The following CPEB1 variants were observed in gnomAD, a reference collection of about 807,000 sequenced individuals.
CPEB1 encodes the protein cytoplasmic polyadenylation element binding protein 1, also known as cytoplasmic polyadenylation element-binding protein 1.
Under a neutral mutation model 65.8 loss-of-function variants are expected in CPEB1, and 7 were observed. The ratio of observed to expected loss-of-function variants is 0.11; its 90% CI spans 0.06 to 0.20. CPEB1 has a LOEUF of 0.20. CPEB1 is among the 10% of genes least tolerant of loss of function. The pLI, the probability that CPEB1 is intolerant of heterozygous loss-of-function variation, is 1.00. For synonymous variants in CPEB1, 262 were observed against 260.0 expected, an observed-to-expected ratio of 1.01 and a Z score of -0.08; for missense variants, 551 against 712.2, an observed-to-expected ratio of 0.77 and a Z score of 2.58.
chr15:82,617,461 C>A (rs2044832094), intron 3 of CPEB1, among the ~76,000 whole-genome samples: 1 of 152,158 alleles, frequency 6.6e-6, no homozygotes, highest in African/African-American at 2.4e-5. Flanking sequence ...GTCTGAGAAA[C>A]TGCCACAGTC....
intron 3 of CPEB1, among the ~76,000 whole-genome samples, 176 bp downstream of exon 3, chr15:82,627,017 G>C (rs1411114889): frequency 1.3e-5 from 2 of 152,064 alleles, no homozygotes; most frequent in African/African-American, 4.8e-5. Context: ...CCTAATCAAA[G>C]GCAGTCTTCA....
In CPEB1 at chr15:82,571,346, G is replaced by A. The variant is rs376051599; in HGVS notation, c.458C>T (p.Ser153Leu). 49 of 1,610,752 alleles carry A rather than the reference G, an allele frequency of 3.0e-5. No individual in the cohort carries two copies. Among genetic ancestry groups the A allele is most frequent in the Non-Finnish European group, 3.6e-5 (43 of 1,178,612 alleles). ...SDSSAQSSTH[S>L]VLSMLHNPLG... ...CCAACTCATTCTCTGGCACTCACCCGAGTGTGTGCTGCTCTGGGCTGAGGA... is the reference window on the plus strand; with the variant it reads ...CCAACTCATTCTCTGGCACTCACCCAAGTGTGTGCTGCTCTGGGCTGAGGA... The change falls in exon 4 of 13, where the codon TCG (serine) becomes TTG (leucine). Residue 153 changes from serine (S) to leucine (L), a missense_variant and splice_region_variant. Ser to Leu is a moderately radical substitution (Grantham distance 145, BLOSUM62 -2). This residue lies in a region of CPEB1 where 223 missense variants were observed against 228.6 expected (regional missense o/e 0.98). Coordinates refer to ENST00000684509, the MANE Select transcript of CPEB1 (RefSeq NM_001365242.1).
At chr15:82,573,026 G>A in intron 3 of CPEB1, 1 of 1,533,584 alleles carries the variant, frequency 6.5e-7, no homozygotes, top group Non-Finnish European at 8.7e-7. Flanking sequence ...GGACTCAGCT[G>A]GTAGCACTCC....
chr15:82,547,108 T>C (rs2035364986), intron 11 of CPEB1, 35 bp downstream of exon 11: 6 of 1,441,800 alleles, frequency 4.2e-6, no homozygotes, highest in Non-Finnish European at 5.9e-6. Flanking sequence ...CCCTCTCATA[T>C]ACCCCAGAGT....
intron 3 of CPEB1, among the ~76,000 whole-genome samples, chr15:82,600,228 T>C (rs12907604): frequency 0.015 from 2,236 of 152,198 alleles, 29 homozygotes; most frequent in East Asian, 0.024. Flanking sequence ...TTGAAAACCA[T>C]TGAAGCCTGA....
chr15:82,582,291 A>C (rs2041352585), intron 3 of CPEB1, among the ~76,000 whole-genome samples: 1 of 152,228 alleles, frequency 6.6e-6, no homozygotes, highest in African/African-American at 2.4e-5. Context: ...GTTCTGCGTA[A>C]TTCAGGCCCT....
At chr15:82,573,110 G>A (rs1275398008) in intron 3 of CPEB1, 1 of 1,535,604 alleles carries the variant, frequency 6.5e-7, no homozygotes, top group Non-Finnish European at 8.7e-7. Flanking sequence ...ACCTCCCATG[G>A]CAGGGTCGAG....
intron 3 of CPEB1, among the ~76,000 whole-genome samples, chr15:82,621,976 T>C (rs1203668875): frequency 6.6e-6 from 1 of 152,196 alleles, no homozygotes; most frequent in Non-Finnish European, 1.5e-5. Context: ...ATATTAAGTC[T>C]CCCTACCCAT....
At chr15:82,588,774 T>C (rs1284802240) in intron 3 of CPEB1, among the ~76,000 whole-genome samples, 1 of 152,204 alleles carries the variant, frequency 6.6e-6, no homozygotes, top group Non-Finnish European at 1.5e-5. Context: ...CCCAACGATA[T>C]GAGAACTATT....
chr15:82,642,494 G>A (rs587759529), intron 1 of CPEB1, among the ~76,000 whole-genome samples: 1 of 152,314 alleles, frequency 6.6e-6, no homozygotes, highest in Non-Finnish European at 1.5e-5. Flanking sequence ...GCTGCAGTAA[G>A]CTGTGATTGC....
chr15:82,606,186 A>AG (rs768813254), intron 3 of CPEB1, among the ~76,000 whole-genome samples: 4 of 151,576 alleles, frequency 2.6e-5, no homozygotes, highest in Non-Finnish European at 5.9e-5. Flanking sequence ...TGCTAGTTCC[A>AG]GCTGGGCATG....
At chr15:82,575,824 C>T (rs969793023) in intron 3 of CPEB1, among the ~76,000 whole-genome samples, 4 of 151,904 alleles carry the variant, frequency 2.6e-5, no homozygotes, top group African/African-American at 4.8e-5. Context: ...GCTTCATTAC[C>T]GTAAATGGTA....
chr15:82,604,307 C>A (rs1291667967), intron 3 of CPEB1, among the ~76,000 whole-genome samples: 1 of 152,044 alleles, frequency 6.6e-6, no homozygotes, highest in Admixed American at 6.5e-5. Flanking sequence ...CAGGGTGAAA[C>A]CCTGTCTCTA....
chr15:82,602,485 G>C (rs937737858), intron 3 of CPEB1, among the ~76,000 whole-genome samples: 6 of 152,086 alleles, frequency 3.9e-5, no homozygotes, highest in African/African-American at 1.4e-4. Context: ...GGAGTTTGAG[G>C]TTACAGTAAG....
chr15:82,628,871 C>T (rs1054467614), intron 1 of CPEB1: 3 of 169,162 alleles, frequency 1.8e-5, no homozygotes, highest in South Asian at 1.5e-4. Context: ...CCTACTTTAT[C>T]GTAAGAATAC....
At chr15:82,613,827 C>T (rs1236170089) in intron 3 of CPEB1, among the ~76,000 whole-genome samples, 1 of 152,150 alleles carries the variant, frequency 6.6e-6, no homozygotes, top group Non-Finnish European at 1.5e-5. Context: ...GAGACACTCA[C>T]CCTGGATGGG....
At chr15:82,570,786 T>G (rs1271724444) in intron 4 of CPEB1, among the ~76,000 whole-genome samples, 2 of 152,066 alleles carry the variant, frequency 1.3e-5, no homozygotes, top group Admixed American at 6.6e-5. Flanking sequence ...GCCTACCCCT[T>G]TCCAGGATCA....
chr15:82,631,972 AT>A (rs1016573750), intron 1 of CPEB1, among the ~76,000 whole-genome samples: 2 of 123,130 alleles, frequency 1.6e-5, no homozygotes, highest in South Asian at 2.6e-4. Context: ...GAATTCATTT[AT>A]TTTTTTCTCT....
At chr15:82,582,618 T>C (rs1050982391) in intron 3 of CPEB1, among the ~76,000 whole-genome samples, 1 of 152,176 alleles carries the variant, frequency 6.6e-6, no homozygotes, top group African/African-American at 2.4e-5. Context: ...GACCCAGGTC[T>C]ACACTCATAC....
Sources: gnomAD v4.1 joint callset for allele counts (sites outside exome capture counted in the v4.1 genomes callset) on GRCh38, gnomAD v4.1.1 for gene constraint, gnomAD v4.1.1 regional missense constraint, MANE v1.5 for transcripts, NCBI Gene and HGNC (gene_info 2026-07-23, HGNC 2026-07-21) for gene names.